The following FLNB variants were observed in gnomAD, a reference collection of about 807,000 sequenced individuals.
FLNB encodes filamin B, also known as filamin-B.
FLNB carries 111 observed loss-of-function variants against 250.6 expected under a neutral mutation model. The observed-to-expected ratio is 0.44, with a 90% CI of 0.38 to 0.52. The LOEUF (loss-of-function observed/expected upper bound fraction) is 0.52, where lower values mean the gene tolerates loss of function less well. Ranked by LOEUF, FLNB falls within the 20% of genes least tolerant of loss-of-function variation. FLNB has a pLI of 0.00. For missense variants in FLNB, 2,869 were observed against 3,447.8 expected (o/e 0.83, Z 4.20); for synonymous variants, 1,302 against 1,372.1 (o/e 0.95, Z 1.13).
intron 25 of FLNB, chr3:58,131,828 T>C: frequency 1.3e-6 from 1 of 783,114 alleles, no homozygotes; most frequent in Non-Finnish European, 2.1e-6. Context: ...TCCCTGTGTA[T>C]GTGTGAATGA....
At position 58,142,521 on chromosome 3, in the gene FLNB, A is replaced by G; in HGVS notation, c.5182-129A>G. ...GCCACTTAGACAAAGCCCATACCAC[A>G]ATGGGCAGCCGCATTCCCAAATCCC... is the stretch of plus-strand genomic sequence containing the variant. On this transcript the variant is annotated intron_variant, in intron 30 of 45. Transcript: ENST00000295956. The surrounding 1 kb of genome is among the most constrained non-coding windows in gnomAD (Gnocchi z 4.3). The G allele has an allele frequency of 1.3e-6, 1 of 791,820 alleles. No individual in the cohort carries two copies. The highest frequency in any genetic ancestry group is 1.5e-5 in the South Asian group (1 of 67,426). The allele number at this position is 791,820 out of a possible 1,614,324, so 49.0% of individuals were successfully genotyped here.
chr3:58,140,012 C>T (rs2097323912), intron 29 of FLNB, among the ~76,000 whole-genome samples: 2 of 152,200 alleles, frequency 1.3e-5, no homozygotes, highest in African/African-American at 4.8e-5. Context: ...TTTGTGTTTA[C>T]CCACTGCCCC....
At chr3:58,144,403 A>G (rs944847209) in intron 32 of FLNB, among the ~76,000 whole-genome samples, 6 of 152,136 alleles carry the variant, frequency 3.9e-5, no homozygotes, top group Non-Finnish European at 8.8e-5. Context: ...ATTTCAGAGT[A>G]TTTTTAAGAC....
At chr3:58,124,262 C>G in intron 21 of FLNB, 70 bp from the exon 22 acceptor site, 1 of 1,550,974 alleles carries the variant, frequency 6.4e-7, no homozygotes, top group Middle Eastern at 1.7e-4. Context: ...GTGCCAAGAA[C>G]CTTGGTTCTG....
chr3:58,057,170 C>G (rs1381725165), intron 1 of FLNB, among the ~76,000 whole-genome samples: 1 of 151,964 alleles, frequency 6.6e-6, no homozygotes, highest in Non-Finnish European at 1.5e-5. Context: ...GAAATGGGGT[C>G]TCACTGTGTT....
intron 1 of FLNB, among the ~76,000 whole-genome samples, chr3:58,070,172 C>G (rs1337835341): frequency 6.6e-6 from 1 of 151,808 alleles, no homozygotes; most frequent in Non-Finnish European, 1.5e-5. Flanking sequence ...CTCAGCCTCC[C>G]AAGTAGCTGG....
At chr3:58,118,140 C>T (rs2097282134) in intron 18 of FLNB, among the ~76,000 whole-genome samples, 1 of 152,246 alleles carries the variant, frequency 6.6e-6, no homozygotes, top group African/African-American at 2.4e-5. Flanking sequence ...ATGGCGCACA[C>T]ATGGCTATCG....
intron 17 of FLNB, 34 bp downstream of exon 17, chr3:58,111,915 T>C (rs755413694): frequency 4.5e-6 from 7 of 1,559,258 alleles, no homozygotes; most frequent in Non-Finnish European, 6.2e-6. Context: ...CCTGGGCCCC[T>C]CTGCCAGCCG....
intron 1 of FLNB, among the ~76,000 whole-genome samples, chr3:58,016,498 A>C (rs1235497497): frequency 6.7e-6 from 1 of 149,798 alleles, no homozygotes; most frequent in Non-Finnish European, 1.5e-5. Context: ...ATGTATTTAT[A>C]TATATTTATA....
At position 58,008,618 on chromosome 3, in the gene FLNB, G is replaced by A. The variant is rs1460396041; in HGVS notation, c.54G>A (p.Gln18=). 5 of 1,613,264 alleles carry A rather than the reference G, an allele frequency of 3.1e-6. No individual in the cohort carries two copies. Among genetic ancestry groups the A allele is most frequent in the African/African-American group, 1.3e-5 (1 of 74,902 alleles). Residue 18 remains glutamine, a synonymous_variant, in exon 1 of 46, where the codon CAG becomes CAA. Coordinates refer to ENST00000295956, the MANE Select transcript of FLNB (RefSeq NM_001457.4). ...LAEDAPWKKI[Q]QNTFTRWCNE... is the part of the protein sequence containing the mutation. Reference sequence around the variant, plus strand: ...AGGACGCGCCTTGGAAGAAGATCCAGCAGAACACGTTCACACGCTGGTGCA... The same window carrying A: ...AGGACGCGCCTTGGAAGAAGATCCAACAGAACACGTTCACACGCTGGTGCA...
intron 17 of FLNB, 130 bp downstream of exon 17, chr3:58,112,011 C>G (rs551769531): frequency 8.6e-7 from 1 of 1,165,348 alleles, no homozygotes; most frequent in African/African-American, 1.5e-5. Context: ...TTCTGTGCAG[C>G]TCTGATGCAG....
At chr3:58,151,209 T>A (rs899807346) in intron 38 of FLNB, 1 of 151,958 alleles carries the variant, frequency 6.6e-6, no homozygotes, top group African/African-American at 2.4e-5. Context: ...CTGGCTAACA[T>A]GGCAAAACCC....
chr3:58,142,763 G>C lies in FLNB; in HGVS notation c.5284+11G>C, dbSNP rs753708624. 1 of 1,606,458 alleles carries C rather than the reference G, an allele frequency of 6.2e-7. No individual in the cohort carries two copies. The highest frequency in any genetic ancestry group is 8.5e-7 in the Non-Finnish European group (1 of 1,173,110). ...AAGGAGAAATCACTGGTAAGCACTT[G>C]CCATAAAGGCCGTCTCATTCTCACT... On this transcript the variant is annotated intron_variant, in intron 31 of 45. Transcript: ENST00000295956. The surrounding 1 kb of genome is among the most constrained non-coding windows in gnomAD (Gnocchi z 4.3).
intron 41 of FLNB, among the ~76,000 whole-genome samples, chr3:58,157,837 G>A (rs577295373): frequency 3.3e-5 from 5 of 152,306 alleles, no homozygotes; most frequent in East Asian, 1.9e-4. Context: ...GAGTGCTCTC[G>A]TCATAGCTGG....
At chr3:58,067,305 G>A (rs1718480) in intron 1 of FLNB, among the ~76,000 whole-genome samples, 84,746 of 151,918 alleles carry the variant, frequency 0.56, 26,810 homozygotes, top group African/African-American at 0.87. Context: ...CTACTAACAT[G>A]AAAAGACCTG....
intron 1 of FLNB, among the ~76,000 whole-genome samples, chr3:58,016,274 C>T (rs1464961147): frequency 1.3e-5 from 2 of 151,788 alleles, no homozygotes; most frequent in Non-Finnish European, 2.9e-5. Flanking sequence ...AGGCTGGCCT[C>T]GAACTCCTGA....
intron 2 of FLNB, among the ~76,000 whole-genome samples, chr3:58,077,559 G>C (rs1382457533): frequency 6.6e-6 from 1 of 152,194 alleles, no homozygotes; most frequent in African/African-American, 2.4e-5. Context: ...GTGCTTAGAA[G>C]CAAGACTTGG....
At position 58,023,982 on chromosome 3, in the gene FLNB, A is replaced by G. The variant is rs139363033; in HGVS notation, c.292+15126A>G. The stretch of plus-strand genomic sequence containing the variant: ...TAAACATGTTTCAGATGTGAGCCTG[A>G]CAATGTACTTGGGCAGCTTGGTTCA... On this transcript the variant is annotated intron_variant, in intron 1 of 45. Transcript: ENST00000295956. 7.7e-3 allele frequency among the ~76,000 whole-genome samples: 1,166 copies of G among 152,306 alleles called. 11 individuals are homozygous for G. The highest frequency in any genetic ancestry group is 0.027 in the African/African-American group (1,112 of 41,556).
intron 1 of FLNB, among the ~76,000 whole-genome samples, chr3:58,066,296 C>T (rs2097185650): frequency 6.6e-6 from 1 of 151,142 alleles, no homozygotes; most frequent in Admixed American, 6.6e-5. Context: ...CTCGGCTCAC[C>T]ACAACCTCTA....
Sources: gnomAD v4.1 joint callset for allele counts (sites outside exome capture counted in the v4.1 genomes callset) on GRCh38, gnomAD v4.1.1 for gene constraint, Gnocchi (gnomAD v3.1) non-coding constraint, MANE v1.5 for transcripts, NCBI Gene and HGNC (gene_info 2026-07-23, HGNC 2026-07-21) for gene names.